The following EPB41L4A variants were observed in gnomAD, a reference collection of about 807,000 sequenced individuals.
EPB41L4A encodes the protein band 4.1-like protein 4A.
Under a neutral mutation model 108.6 loss-of-function variants are expected in EPB41L4A, and 100 were observed. The observed-to-expected ratio is 0.92, with a 90% CI of 0.78 to 1.09. EPB41L4A has a LOEUF of 1.09. EPB41L4A is among the 50% of genes least tolerant of loss of function. The pLI, the probability that EPB41L4A is intolerant of heterozygous loss-of-function variation, is 0.00. For synonymous variants in EPB41L4A, 319 were observed against 289.0 expected (o/e 1.10, Z -1.05); for missense variants, 1,030 against 842.7 (o/e 1.22, Z -2.75).
intron 17 of EPB41L4A, among the ~76,000 whole-genome samples, chr5:112,194,128 T>C (rs1301053712): frequency 6.7e-6 from 1 of 149,540 alleles, no homozygotes; most frequent in Non-Finnish European, 1.5e-5. Context: ...TAAATGCACA[T>C]ATTATTAGCA....
chr5:112,291,857 C>T (rs1181861752), intron 2 of EPB41L4A, among the ~76,000 whole-genome samples: 5 of 152,316 alleles, frequency 3.3e-5, no homozygotes, highest in East Asian at 1.9e-4. Flanking sequence ...ATATATTCTG[C>T]GTTTCTGAGT....
intron 12 of EPB41L4A, among the ~76,000 whole-genome samples, chr5:112,217,773 C>A (rs954545304): frequency 6.6e-6 from 1 of 152,154 alleles, no homozygotes; most frequent in Non-Finnish European, 1.5e-5. Flanking sequence ...ACTAGATATA[C>A]ATAGACTTTT....
At position 112,209,991 on chromosome 5, in the gene EPB41L4A, G is replaced by A. The variant is rs878906037; in HGVS notation, c.1088-9C>T. ...ACTGATGCTGTTTGATTCTAGCAGA[G>A]GAGGAGAAGGAAAGATGGAAGAGAG... On this transcript the variant is annotated splice_polypyrimidine_tract_variant and intron_variant, in intron 12 of 22. Coordinates refer to ENST00000261486, the MANE Select transcript of EPB41L4A (RefSeq NM_022140.5). 7 of 1,480,462 alleles carry A rather than the reference G, an allele frequency of 4.7e-6. No homozygotes were observed. The South Asian group carries it at 8.3e-5, about 17-fold the overall frequency. 91.7% of individuals were successfully genotyped at this position (1,480,462 alleles called of 1,614,324 possible).
intron 1 of EPB41L4A, among the ~76,000 whole-genome samples, chr5:112,401,341 A>T (rs1761737156): frequency 6.6e-6 from 1 of 152,224 alleles, no homozygotes; most frequent in Non-Finnish European, 1.5e-5. Context: ...ACATGCATTT[A>T]ACGTATTCAC....
chr5:112,214,506 G>C (rs1207716158), intron 12 of EPB41L4A, among the ~76,000 whole-genome samples: 1 of 151,922 alleles, frequency 6.6e-6, no homozygotes, highest in African/African-American at 2.4e-5. Flanking sequence ...GCTCACGCCT[G>C]TAATCCCAGC....
At chr5:112,234,888 C>T in intron 11 of EPB41L4A, 133 bp from the exon 12 acceptor site, 1 of 946,624 alleles carries the variant, frequency 1.1e-6, no homozygotes. Flanking sequence ...TTAATTGATT[C>T]TCATTGCAAT....
chr5:112,146,738 G>T (rs995873376), intron 12 of EPB41L4A, among the ~76,000 whole-genome samples: 5 of 152,088 alleles, frequency 3.3e-5, no homozygotes, highest in African/African-American at 1.2e-4. Flanking sequence ...TTTAACCCTC[G>T]TTGCTACTGG....
At chr5:112,166,485 T>C (rs933736942) in intron 22 of EPB41L4A, among the ~76,000 whole-genome samples, 16 of 152,278 alleles carry the variant, frequency 1.1e-4, no homozygotes, top group African/African-American at 3.4e-4. Context: ...GCATTTTCCC[T>C]ACATTCCTCA....
intron 1 of EPB41L4A, among the ~76,000 whole-genome samples, chr5:112,347,170 A>G (rs1437439522): frequency 6.6e-6 from 1 of 152,228 alleles, no homozygotes; most frequent in Non-Finnish European, 1.5e-5. Context: ...TAACCAATGG[A>G]TGGATGCACG....
chr5:112,324,364 G>A (rs1309625577), intron 1 of EPB41L4A, among the ~76,000 whole-genome samples: 1 of 152,150 alleles, frequency 6.6e-6, no homozygotes, highest in Non-Finnish European at 1.5e-5. Context: ...GAAATTCTGT[G>A]TTAATGATGA....
intron 2 of EPB41L4A, among the ~76,000 whole-genome samples, chr5:112,301,711 CCT>C (rs1240079070): frequency 3.3e-5 from 5 of 152,062 alleles, no homozygotes; most frequent in African/African-American, 1.2e-4. Flanking sequence ...AGTCCTGCCC[CCT>C]GTCTGTCAAT....
chr5:112,405,324 A>G (rs1356426633), intron 1 of EPB41L4A, among the ~76,000 whole-genome samples: 2 of 152,202 alleles, frequency 1.3e-5, no homozygotes, highest in Non-Finnish European at 2.9e-5. Flanking sequence ...CCACAACTTG[A>G]GTGCAACCTC....
chr5:112,272,572 G>A (rs1218933785), intron 4 of EPB41L4A, among the ~76,000 whole-genome samples: 1 of 151,740 alleles, frequency 6.6e-6, no homozygotes, highest in Admixed American at 6.6e-5. Context: ...CTGAGGTCAG[G>A]AGTTCAAGAC....
At chr5:112,329,573 T>C (rs1251597887) in intron 1 of EPB41L4A, among the ~76,000 whole-genome samples, 1 of 152,186 alleles carries the variant, frequency 6.6e-6, no homozygotes, top group Non-Finnish European at 1.5e-5. Context: ...TTTTAAACAA[T>C]GAAGATGCTG....
chr5:112,413,054 C>A (rs1352080306), intron 1 of EPB41L4A, among the ~76,000 whole-genome samples: 1 of 152,106 alleles, frequency 6.6e-6, no homozygotes, highest in Non-Finnish European at 1.5e-5. Context: ...GTGAAACCAA[C>A]CAACATGGTT....
intron 1 of EPB41L4A, among the ~76,000 whole-genome samples, chr5:112,417,913 T>C (rs1762803941): frequency 6.6e-6 from 1 of 152,200 alleles, no homozygotes; most frequent in South Asian, 2.1e-4. Flanking sequence ...CATAAAACTA[T>C]GTAAAAACTG....
At chr5:112,308,928 C>T (rs1438312765) in intron 1 of EPB41L4A, among the ~76,000 whole-genome samples, 3 of 152,158 alleles carry the variant, frequency 2.0e-5, no homozygotes, top group Non-Finnish European at 2.9e-5. Flanking sequence ...TTTTAATTTA[C>T]ATTTTCCTGA....
chr5:112,351,803 A>G (rs1758059517), intron 1 of EPB41L4A, among the ~76,000 whole-genome samples: 1 of 152,224 alleles, frequency 6.6e-6, no homozygotes, highest in African/African-American at 2.4e-5. Context: ...GTCATGATCA[A>G]CTGGGGGGAT....
intron 15 of EPB41L4A, among the ~76,000 whole-genome samples, chr5:112,200,681 C>G (rs1762176566): frequency 1.3e-5 from 2 of 152,112 alleles, no homozygotes; most frequent in African/African-American, 4.8e-5. Flanking sequence ...CTTTCTTTTT[C>G]TAGAATAGGA....
Sources: allele counts gnomAD v4.1 joint callset (sites outside exome capture counted in the v4.1 genomes callset), GRCh38; gene constraint gnomAD v4.1.1; transcripts MANE v1.5; gene names NCBI Gene and HGNC (gene_info 2026-07-23, HGNC 2026-07-21).